DMD: variants seen among roughly 807,000 people sequenced by gnomAD.
DMD encodes the protein dystrophin.
A neutral mutation model predicts 330.1 loss-of-function variants in DMD; 63 were observed. The observed-to-expected ratio is 0.19, with a 90% CI of 0.16 to 0.24. The LOEUF is 0.24. Among genes scored for constraint, DMD ranks in the 10% least tolerant of loss-of-function variants. The probability of loss-of-function intolerance (pLI) is 1.00; values close to 1 mark genes in which losing one functional copy is unlikely to be tolerated. For missense variants in DMD, 3,344 were observed against 2,684.1 expected (o/e 1.25, Z -5.43); for synonymous variants, 1,223 against 959.8 (o/e 1.27, Z -5.07).
At chrX:32,849,178 T>A (rs754434187) in intron 3 of DMD, among the ~76,000 whole-genome samples, 1 of 111,798 alleles carries the variant, frequency 8.9e-6, no homozygotes, top group Admixed American at 9.5e-5. Context: ...ATTTGAGTTC[T>A]TTCCCCCCCC....
chrX:32,393,133 G>C (rs191910109), intron 30 of DMD, among the ~76,000 whole-genome samples: 2 of 111,936 alleles, frequency 1.8e-5, no homozygotes, highest in African/African-American at 6.5e-5. Context: ...ACTGCCCTTG[G>C]ATTCTATGAC....
intron 2 of DMD, among the ~76,000 whole-genome samples, chrX:32,860,624 T>C (rs1256814580): frequency 9.0e-6 from 1 of 111,349 alleles, no homozygotes; most frequent in Non-Finnish European, 1.9e-5. Context: ...AGGTATTGTA[T>C]AATAAAGCAG....
At chrX:32,196,801 C>T (rs1034414334) in intron 44 of DMD, among the ~76,000 whole-genome samples, 18 of 109,007 alleles carry the variant, frequency 1.7e-4, no homozygotes, top group Admixed American at 9.9e-4. Context: ...CTGGCTAACA[C>T]GGTGAAACCC....
At chrX:33,202,203 C>T (rs991528604) in intron 1 of DMD, among the ~76,000 whole-genome samples, 1 of 111,595 alleles carries the variant, frequency 9.0e-6, no homozygotes, top group African/African-American at 3.3e-5. Flanking sequence ...ACTATGATTC[C>T]TGCCATTTTA....
intron 44 of DMD, among the ~76,000 whole-genome samples, chrX:32,062,451 T>A (rs892540446): frequency 9.0e-6 from 1 of 110,736 alleles, no homozygotes. Context: ...TATATAAAAT[T>A]CTATATATGT....
At chrX:31,819,211 A>G (rs1171809315) in intron 50 of DMD, among the ~76,000 whole-genome samples, 1 of 112,471 alleles carries the variant, frequency 8.9e-6, no homozygotes, top group Non-Finnish European at 1.9e-5. Flanking sequence ...GAAAGAAAAT[A>G]AAATAGACTG....
chrX:31,644,917 G>T (rs2079994731), intron 54 of DMD, among the ~76,000 whole-genome samples: 1 of 111,636 alleles, frequency 9.0e-6, no homozygotes, highest in Non-Finnish European at 1.9e-5. Context: ...TTCTGGAATT[G>T]CCTACCTGTC....
At chrX:31,249,465 G>C (rs1339679140) in intron 63 of DMD, among the ~76,000 whole-genome samples, 1 of 111,302 alleles carries the variant, frequency 9.0e-6, no homozygotes, top group Non-Finnish European at 1.9e-5. Flanking sequence ...GGCTGGTCTC[G>C]AACTCCTGAC....
chrX:31,543,594 T>C (rs1396535787), intron 55 of DMD, among the ~76,000 whole-genome samples: 1 of 112,694 alleles, frequency 8.9e-6, no homozygotes, highest in Non-Finnish European at 1.9e-5. Flanking sequence ...TTCTATTTTG[T>C]TTAAGTCATT....
At chrX:32,074,191 T>C (rs1411488932) in intron 44 of DMD, among the ~76,000 whole-genome samples, 4 of 111,669 alleles carry the variant, frequency 3.6e-5, no homozygotes, top group Non-Finnish European at 7.5e-5. Flanking sequence ...ATTTATCTGT[T>C]CATAAACATG....
At chrX:31,404,038 C>T (rs960409475) in intron 60 of DMD, among the ~76,000 whole-genome samples, 1 of 110,366 alleles carries the variant, frequency 9.1e-6, no homozygotes, top group Non-Finnish European at 1.9e-5. Context: ...CCCCAGCCTT[C>T]TTCACTTCTT....
chrX:31,936,451 TCTA>T (rs1211394717), intron 45 of DMD, among the ~76,000 whole-genome samples: 2 of 111,804 alleles, frequency 1.8e-5, no homozygotes, highest in African/African-American at 6.5e-5. Flanking sequence ...TTTTAAGTAT[TCTA>T]CTAATAGGAA....
At chrX:32,412,257 T>C (rs746704536) in intron 29 of DMD, 27 of 989,891 alleles carry the variant, frequency 2.7e-5, no homozygotes, top group Non-Finnish European at 3.4e-5. Context: ...TCTCATTATA[T>C]AGTTCAAGAG....
intron 17 of DMD, among the ~76,000 whole-genome samples, chrX:32,533,788 G>A (rs2047696594): frequency 8.9e-6 from 1 of 112,060 alleles, no homozygotes; most frequent in African/African-American, 3.2e-5. Flanking sequence ...AACCCACCAT[G>A]CATTGGATGA....
intron 2 of DMD, among the ~76,000 whole-genome samples, chrX:32,976,694 T>G (rs5928128): frequency 9.0e-6 from 1 of 110,668 alleles, no homozygotes; most frequent in Non-Finnish European, 1.9e-5. Flanking sequence ...AGCTGTCTAC[T>G]TCTGTGGTTT....
intron 1 of DMD, among the ~76,000 whole-genome samples, chrX:33,321,469 C>G (rs1000353331): frequency 1.8e-5 from 2 of 111,200 alleles, no homozygotes; most frequent in African/African-American, 6.5e-5. Flanking sequence ...GTCTCAACCC[C>G]GGGCTTAAAA....
chrX:33,327,483 C>G (rs990774330), intron 1 of DMD, among the ~76,000 whole-genome samples: 1 of 111,767 alleles, frequency 8.9e-6, no homozygotes, highest in Non-Finnish European at 1.9e-5. Flanking sequence ...TGGATATTAA[C>G]TCACCTAATC....
intron 7 of DMD, among the ~76,000 whole-genome samples, chrX:32,725,412 A>T (rs983256905): frequency 2.7e-5 from 3 of 111,325 alleles, no homozygotes; most frequent in African/African-American, 9.8e-5. Context: ...ATGACCGCCT[A>T]TAAAGATACA....
chrX:31,982,097 CAT>C (rs1216766833), intron 44 of DMD, among the ~76,000 whole-genome samples: 26 of 112,352 alleles, frequency 2.3e-4, no homozygotes, highest in Non-Finnish European at 4.5e-4. Context: ...TTACACCAGA[CAT>C]GTGTGCCTGT....
Sources: gnomAD v4.1 joint callset for allele counts (sites outside exome capture counted in the v4.1 genomes callset) on GRCh38, gnomAD v4.1.1 for gene constraint, MANE v1.5 for transcripts, NCBI Gene and HGNC (gene_info 2026-07-23, HGNC 2026-07-21) for gene names.